Variants in AGMO observed in about 807,000 individuals in gnomAD.
AGMO encodes the protein glyceryl-ether monooxygenase.
A neutral mutation model predicts 60.2 loss-of-function variants in AGMO; 75 were observed. The observed-to-expected ratio is 1.25, with a 90% CI of 1.03 to 1.51. The LOEUF (loss-of-function observed/expected upper bound fraction) is 1.51. Among genes scored for constraint, AGMO ranks in the 40% most tolerant of loss-of-function variants. The pLI is 0.00. For missense variants in AGMO, 763 were observed against 525.5 expected, an observed-to-expected ratio of 1.45 and a Z score of -4.42; for synonymous variants, 261 against 177.1, an observed-to-expected ratio of 1.47 and a Z score of -3.76.
At position 15,376,668 on chromosome 7, in the gene AGMO, C is replaced by CA. The variant is rs368061832; in HGVS notation, c.1074+8777dup. On this transcript the variant is annotated intron_variant, in intron 10 of 12. Transcript: ENST00000342526. ...TTGTGTGTTTATTAGTTAAAAGAAG[C>CA]ATTGCCTTTTCAATTTTAGTTTGTA... Among the ~76,000 whole-genome samples, 50 of 152,098 alleles carry CA rather than the reference C, an allele frequency of 3.3e-4. 2 individuals carry two copies. Among genetic ancestry groups the CA allele is most frequent in the African/African-American group, 1.1e-3 (45 of 41,478 alleles).
At chr7:15,284,336 GATTA>G (rs1184148907) in intron 12 of AGMO, among the ~76,000 whole-genome samples, 2 of 151,988 alleles carry the variant, frequency 1.3e-5, no homozygotes, top group Non-Finnish European at 1.5e-5. Flanking sequence ...CCATTAGCTA[GATTA>G]ATCAAGAAGA....
chr7:15,441,601 T>A (rs1359301242), intron 3 of AGMO, among the ~76,000 whole-genome samples: 2 of 152,216 alleles, frequency 1.3e-5, no homozygotes, highest in South Asian at 2.1e-4. Context: ...GGGAGAACTG[T>A]CTTGATGTCA....
chr7:15,166,175 G>C, the AGMO span, among the ~76,000 whole-genome samples: 1 of 150,750 alleles, frequency 6.6e-6, no homozygotes. Context: ...AGATGAAGTA[G>C]AGCCAGATAA....
intron 3 of AGMO, among the ~76,000 whole-genome samples, chr7:15,540,928 G>A (rs1784610868): frequency 6.6e-6 from 1 of 152,030 alleles, no homozygotes; most frequent in Non-Finnish European, 1.5e-5. Context: ...CATGTAAATA[G>A]CACCCAAGGC....
At chr7:15,463,055 C>G (rs1312813540) in intron 3 of AGMO, among the ~76,000 whole-genome samples, 1 of 152,046 alleles carries the variant, frequency 6.6e-6, no homozygotes, top group Admixed American at 6.6e-5. Flanking sequence ...GAGTGGATAA[C>G]TGGAATAAGA....
At chr7:15,218,568 ATTAACTCTC>A (rs761480594) in intron 12 of AGMO, among the ~76,000 whole-genome samples, 5,290 of 152,144 alleles carry the variant, frequency 0.035, 119 homozygotes, top group Non-Finnish European at 0.053. Context: ...CTTAAAATAT[ATTAACTCTC>A]TGTAAGCTTG....
At chr7:15,145,672 C>T in the AGMO span, among the ~76,000 whole-genome samples, 2 of 152,188 alleles carry the variant, frequency 1.3e-5, no homozygotes, top group Admixed American at 6.5e-5. Flanking sequence ...TCACCTTTCA[C>T]GTATTTCCTT....
chr7:15,134,955 A>G, the AGMO span, among the ~76,000 whole-genome samples: 1 of 151,972 alleles, frequency 6.6e-6, no homozygotes, highest in South Asian at 2.1e-4. Context: ...TGAATATATC[A>G]CTCCATGGTA....
the AGMO span, among the ~76,000 whole-genome samples, chr7:15,177,080 G>A: frequency 6.7e-6 from 1 of 150,216 alleles, no homozygotes; most frequent in Non-Finnish European, 1.5e-5. Flanking sequence ...ATGCAAATCT[G>A]ATGCTTTTAA....
the AGMO span, among the ~76,000 whole-genome samples, chr7:15,134,145 G>C: frequency 6.6e-6 from 1 of 152,014 alleles, no homozygotes. Flanking sequence ...AATAAGTGTA[G>C]TACCTAATAG....
the AGMO span, among the ~76,000 whole-genome samples, chr7:15,158,003 G>A: frequency 1.3e-5 from 2 of 151,954 alleles, no homozygotes; most frequent in African/African-American, 4.8e-5. Context: ...ATTTTCAGGG[G>A]CTCTAGGCAC....
intron 3 of AGMO, among the ~76,000 whole-genome samples, chr7:15,458,691 T>C (rs1782057956): frequency 6.6e-6 from 1 of 152,154 alleles, no homozygotes; most frequent in African/African-American, 2.4e-5. Flanking sequence ...CCTTTAATCC[T>C]TGCAACAACT....
chr7:15,519,186 G>C (rs1186170380), intron 3 of AGMO, among the ~76,000 whole-genome samples: 2 of 151,818 alleles, frequency 1.3e-5, no homozygotes, highest in Non-Finnish European at 2.9e-5. Context: ...TCAAACCTAG[G>C]TTTGATTGTT....
intron 10 of AGMO, among the ~76,000 whole-genome samples, chr7:15,368,923 C>G (rs1182746136): frequency 6.6e-6 from 1 of 152,110 alleles, no homozygotes; most frequent in East Asian, 1.9e-4. Context: ...ACATCTCTAA[C>G]TGGTGAACGG....
chr7:15,118,869 C>T, the AGMO span, among the ~76,000 whole-genome samples: 4 of 131,354 alleles, frequency 3.0e-5, no homozygotes, highest in East Asian at 2.6e-4. Context: ...AATTCCCAGA[C>T]GTCAGTATTT....
chr7:15,300,414 G>A (rs1018166602), intron 12 of AGMO, among the ~76,000 whole-genome samples: 1 of 152,024 alleles, frequency 6.6e-6, no homozygotes, highest in Non-Finnish European at 1.5e-5. Context: ...CTACGTGATG[G>A]GATTAAATTA....
chr7:15,372,311 C>T (rs1783253229), intron 10 of AGMO, among the ~76,000 whole-genome samples: 1 of 151,898 alleles, frequency 6.6e-6, no homozygotes, highest in African/African-American at 2.4e-5. Flanking sequence ...ATTAGCCAGG[C>T]ATGGTGGCAC....
chr7:15,468,701 C>T lies in AGMO; in HGVS notation c.410-37593G>A, dbSNP rs1161436101. On this transcript the variant is annotated intron_variant, in intron 3 of 12. Coordinates refer to ENST00000342526, the MANE Select transcript of AGMO (RefSeq NM_001004320.2). ...AATACACATAAATGTTATATAAATA[C>T]ATATGTGTATATGTGTGTGTTTACT... Among the ~76,000 whole-genome samples, 6 of 151,970 alleles carry T rather than the reference C, an allele frequency of 3.9e-5. No individual in the cohort carries two copies. In the East Asian group the frequency reaches 1.2e-3, roughly 29 times the overall value.
At chr7:15,359,337 T>C (rs1453267532) in intron 12 of AGMO, among the ~76,000 whole-genome samples, 1 of 152,058 alleles carries the variant, frequency 6.6e-6, no homozygotes, top group Non-Finnish European at 1.5e-5. Context: ...TTACTCATAT[T>C]TACTTTAATT....
Sources: gnomAD v4.1 joint callset for allele counts (sites outside exome capture counted in the v4.1 genomes callset) on GRCh38, gnomAD v4.1.1 for gene constraint, MANE v1.5 for transcripts, NCBI Gene and HGNC (gene_info 2026-07-23, HGNC 2026-07-21) for gene names.